The following DNAH3 variants were observed in gnomAD, a reference collection of about 807,000 sequenced individuals.
DNAH3 encodes axonemal beta dynein heavy chain 3.
Under a neutral mutation model 432.5 loss-of-function variants are expected in DNAH3, and 332 were observed. That is an observed-to-expected ratio of 0.77 (90% confidence interval 0.70 to 0.84). The LOEUF (loss-of-function observed/expected upper bound fraction) is 0.84, where lower values mean the gene tolerates loss of function less well. DNAH3 is among the 40% of genes least tolerant of loss of function. The pLI, the probability that DNAH3 is intolerant of heterozygous loss-of-function variation, is 0.00. For missense variants in DNAH3, 4,861 were observed against 5,114.0 expected, an observed-to-expected ratio of 0.95 and a Z score of 1.51; for synonymous variants, 1,956 against 1,900.2, an observed-to-expected ratio of 1.03 and a Z score of -0.76.
At chr16:20,989,329 TAC>T (rs1328405202) in intron 44 of DNAH3, among the ~76,000 whole-genome samples, 10 of 151,744 alleles carry the variant, frequency 6.6e-5, no homozygotes, top group South Asian at 2.1e-4. Context: ...AGCAGCTAGA[TAC>T]AGAGTGTTGA....
chr16:21,056,342 C>G (rs1212510213), intron 27 of DNAH3, among the ~76,000 whole-genome samples: 1 of 152,024 alleles, frequency 6.6e-6, no homozygotes, highest in Non-Finnish European at 1.5e-5. Flanking sequence ...AACTTCCCTC[C>G]CCTCACTCTC....
intron 41 of DNAH3, among the ~76,000 whole-genome samples, chr16:21,017,827 A>ATTTCATTATTATGAAACATAATAATG (rs1195545826): frequency 4.6e-5 from 7 of 152,268 alleles, no homozygotes; most frequent in East Asian, 3.9e-4. Flanking sequence ...CTCATTCATT[A>ATTTCATTATTATGAAACATAATAATG]TTTCATTATT....
intron 37 of DNAH3, among the ~76,000 whole-genome samples, chr16:21,028,608 C>T (rs1176203599): frequency 6.7e-6 from 1 of 149,652 alleles, no homozygotes; most frequent in Non-Finnish European, 1.5e-5. Flanking sequence ...GAGCTGAGAT[C>T]GTGCCACTGC....
chr16:21,086,036 T>C (rs1280113080), intron 19 of DNAH3, among the ~76,000 whole-genome samples: 3 of 152,078 alleles, frequency 2.0e-5, no homozygotes, highest in Non-Finnish European at 4.4e-5. Flanking sequence ...AGGATTATGG[T>C]CTTGAGCCAC....
At chr16:21,109,174 AG>A (rs2092014887) in intron 14 of DNAH3, among the ~76,000 whole-genome samples, 1 of 152,072 alleles carries the variant, frequency 6.6e-6, no homozygotes, top group South Asian at 2.1e-4. Flanking sequence ...GAGAAACTGA[AG>A]ATCCAAGAGA....
intron 18 of DNAH3, among the ~76,000 whole-genome samples, chr16:21,094,049 A>G (rs757023253): frequency 6.6e-6 from 1 of 152,188 alleles, no homozygotes; most frequent in Admixed American, 6.5e-5. Flanking sequence ...TAAAAGAAAA[A>G]TTGATACGTT....
intron 24 of DNAH3, among the ~76,000 whole-genome samples, chr16:21,066,272 G>T: frequency 6.6e-6 from 1 of 152,072 alleles, no homozygotes. Context: ...CCTAAGTGGG[G>T]TCAAATGACA....
chr16:21,118,002 T>G (rs1298262058), intron 11 of DNAH3, among the ~76,000 whole-genome samples: 1 of 152,138 alleles, frequency 6.6e-6, no homozygotes. Context: ...TTTGTTTTGT[T>G]TTTTTGAGAC....
chr16:20,954,818 G>A (rs2084486130), exon 55 of DNAH3: 2 of 1,613,982 alleles, frequency 1.2e-6, no homozygotes, highest in Non-Finnish European at 8.5e-7. Context: ...CTTACCTAGG[G>A]GGCCGAAGTT....
chr16:21,034,631 T>C (rs2152726876), intron 35 of DNAH3, among the ~76,000 whole-genome samples: 2 of 152,370 alleles, frequency 1.3e-5, no homozygotes, highest in South Asian at 4.1e-4. Flanking sequence ...GTGAATTTTA[T>C]GGTTTAAACA....
intron 40 of DNAH3, among the ~76,000 whole-genome samples, chr16:21,021,309 A>G (rs532036454): frequency 3.3e-5 from 5 of 152,144 alleles, no homozygotes; most frequent in Non-Finnish European, 5.9e-5. Flanking sequence ...TTTGGAAATT[A>G]ATCTCTTATC....
chr16:20,975,433 G>A lies in DNAH3; in HGVS notation c.8077-18C>T. On this transcript the variant is annotated intron_variant, in intron 50 of 61. Coordinates refer to ENST00000261383, the Ensembl canonical transcript of DNAH3. ...ACCGCTACCTAGCAAGGAGAGAGGT[G>A]GGAGAAATCCAGGGTCAGCACTGAA... 1 of 1,608,362 alleles carries A rather than the reference G, an allele frequency of 6.2e-7. No homozygotes were observed. Among genetic ancestry groups the A allele is most frequent in the South Asian group, 1.1e-5 (1 of 89,982 alleles).
chr16:21,012,583 G>A (rs954453453), intron 41 of DNAH3, among the ~76,000 whole-genome samples: 1 of 152,104 alleles, frequency 6.6e-6, no homozygotes, highest in African/African-American at 2.4e-5. Context: ...ATCAGTAGTT[G>A]GCAGATAACA....
chr16:21,156,176 TTTTATTTTATTTTATTTTATTTTA>T (rs1179329826), intron 1 of DNAH3, among the ~76,000 whole-genome samples: 39 of 147,030 alleles, frequency 2.7e-4, no homozygotes, highest in Middle Eastern at 3.3e-3. Context: ...TTTTATTTTA[TTTTATTTTATTTTATTTTATTTTA>T]TTTATTTTAT....
At chr16:20,993,820 A>T (rs2086654716) in intron 44 of DNAH3, among the ~76,000 whole-genome samples, 1 of 152,054 alleles carries the variant, frequency 6.6e-6, no homozygotes, top group African/African-American at 2.4e-5. Context: ...AGTAGCTGGG[A>T]CTACAGGCAC....
chr16:21,101,679 T>C (rs186148999), intron 16 of DNAH3, among the ~76,000 whole-genome samples: 1 of 152,268 alleles, frequency 6.6e-6, no homozygotes, highest in East Asian at 1.9e-4. Context: ...GGGAAGCCAT[T>C]AGGACCCCCA....
chr16:20,944,935 C>A (rs1215458985), intron 57 of DNAH3, among the ~76,000 whole-genome samples: 1 of 152,152 alleles, frequency 6.6e-6, no homozygotes, highest in Non-Finnish European at 1.5e-5. Context: ...GCTTTGGACC[C>A]AAACAGAACT....
intron 7 of DNAH3, chr16:21,129,087 C>T (rs1009281426): frequency 1.3e-5 from 2 of 152,708 alleles, no homozygotes; most frequent in African/African-American, 2.4e-5. Flanking sequence ...CTGGGGCCCA[C>T]TAGGTGCTCT....
At chr16:21,150,635 G>A (rs552467874) in intron 1 of DNAH3, 101 bp from the exon 2 acceptor site, 6 of 187,930 alleles carry the variant, frequency 3.2e-5, no homozygotes, top group East Asian at 2.8e-4. Context: ...CGGTGGCCAC[G>A]CTTCCTTTCC....
Sources: gnomAD v4.1 joint callset for allele counts (sites outside exome capture counted in the v4.1 genomes callset) on GRCh38, gnomAD v4.1.1 for gene constraint, MANE v1.5 for transcripts, NCBI Gene and HGNC (gene_info 2026-07-23, HGNC 2026-07-21) for gene names.